ZNF844: variants seen among roughly 807,000 people sequenced by gnomAD.
ZNF844 encodes the protein zinc finger protein 844.
A neutral mutation model predicts 11.4 loss-of-function variants in ZNF844; 11 were observed. The observed-to-expected ratio is 0.97, with a 90% CI of 0.61 to 1.60. The LOEUF (loss-of-function observed/expected upper bound fraction) is 1.60, where lower values mean the gene tolerates loss of function less well. ZNF844 is among the 40% of genes most tolerant of loss of function. The pLI is 0.00. For missense variants in ZNF844, 790 were observed against 796.8 expected, an observed-to-expected ratio of 0.99 and a Z score of 0.10; for synonymous variants, 248 against 260.3, an observed-to-expected ratio of 0.95 and a Z score of 0.46.
chr19:12,065,979 G>A (rs73514821), intron 1 of ZNF844, among the ~76,000 whole-genome samples: 2,048 of 152,110 alleles, frequency 0.013, 52 homozygotes, highest in African/African-American at 0.047. Flanking sequence ...GCCCAGGTTG[G>A]AGTGCATGGC....
rs376541073 is a variant in ZNF844 at position 12,075,556 on chromosome 19, C to T, written c.436C>T (p.Arg146Cys). 53 of 1,613,922 alleles carry T rather than the reference C, an allele frequency of 3.3e-5. No individual in the cohort carries two copies. Among genetic ancestry groups the T allele is most frequent in the African/African-American group, 1.1e-4 (8 of 74,914 alleles). ...ACAGGAGCCATATAAGTGTCAACAA[C>T]GTAAGAAAGCCTTCAGATGTCACCC... ...YGQEPYKCQQ[R>C]KKAFRCHPSF... Residue 146 changes from arginine to cysteine, a missense_variant, in exon 4 of 4, where the codon CGT (arginine) becomes TGT (cysteine). By Grantham distance (180) the Arg-to-Cys change is radical. Transcript: ENST00000439326.
At chr19:12,073,233 C>T (rs538997171) in intron 1 of ZNF844, among the ~76,000 whole-genome samples, 3 of 152,030 alleles carry the variant, frequency 2.0e-5, no homozygotes, top group African/African-American at 7.2e-5. Context: ...GATCTCAGCT[C>T]ACCGCAACCT....
In ZNF844 at chr19:12,080,184, TA is replaced by T. The variant is rs1183100450; in HGVS notation, c.*3069del. The T allele has an allele frequency of 4.6e-5, 9 of 196,690 alleles. No homozygotes were observed. Among genetic ancestry groups the T allele is most frequent in the African/African-American group, 7.2e-5 (3 of 41,538 alleles). The allele number at this position is 196,690 out of a possible 1,614,324, so 12.2% of individuals were successfully genotyped here. ...TGACACGGTGAAACCCCGTCTCTAC[TA>T]AAAAATACAAAAAAACTAGCTGGGC... On this transcript the variant is annotated 3_prime_UTR_variant, in exon 4 of 4. Transcript: ENST00000439326.
intron 1 of ZNF844, among the ~76,000 whole-genome samples, chr19:12,067,379 G>T (rs1975700965): frequency 1.4e-5 from 2 of 146,268 alleles, no homozygotes; most frequent in African/African-American, 2.5e-5. Context: ...TGGGAGGCCG[G>T]GTCGGGCAAT....
intron 1 of ZNF844, among the ~76,000 whole-genome samples, chr19:12,066,765 C>G (rs185823266): frequency 6.6e-6 from 1 of 151,544 alleles, no homozygotes; most frequent in East Asian, 2.0e-4. Flanking sequence ...CCAGGATGGT[C>G]TGGATTTCCT....
At chr19:12,073,992 G>A (rs776836062) in intron 1 of ZNF844, 39 bp from the exon 2 acceptor site, 1 of 1,596,532 alleles carries the variant, frequency 6.3e-7, no homozygotes, top group East Asian at 2.2e-5. Context: ...AGTGCTGTCA[G>A]TCTCACCCAT....
At chr19:12,070,163 C>T (rs1178810928) in intron 1 of ZNF844, 1 of 147,486 alleles carries the variant, frequency 6.8e-6, no homozygotes, top group Non-Finnish European at 1.5e-5. Context: ...GAAACTGAAG[C>T]ATGTGTGGTC....
chr19:12,078,349 A>C lies in ZNF844; in HGVS notation c.*1228A>C, dbSNP rs1176145305. On this transcript the variant is annotated 3_prime_UTR_variant, in exon 4 of 4. Coordinates refer to ENST00000439326, the MANE Select transcript of ZNF844 (RefSeq NM_001136501.3). The stretch of plus-strand genomic sequence containing the variant: ...ACCCTATTGGCCACACTGGTCTTGA[A>C]CTCCTGACCTGAAGTGATCCACCTG... 1 of 151,038 alleles carries C rather than the reference A, an allele frequency of 6.6e-6. No individual in the cohort carries two copies. The highest frequency in any genetic ancestry group is 1.9e-4 in the East Asian group (1 of 5,150). 9.4% of individuals were successfully genotyped at this position (151,038 alleles called of 1,614,324 possible).
In ZNF844 at chr19:12,076,984, C is replaced by G; in HGVS notation, c.1864C>G (p.Arg622Gly). ...NPMNVRNAEK[R>G]SIIFLLCVYT... is the part of the protein sequence containing the mutation. Reference sequence around the variant, plus strand: ...TATGAATGTAAGGAATGCGGAAAAGCGTTCAATTATTTTTCTTCTTTGCGT... The same window carrying G: ...TATGAATGTAAGGAATGCGGAAAAGGGTTCAATTATTTTTCTTCTTTGCGT... Residue 622 changes from arginine to glycine, a missense_variant, in exon 4 of 4, where the codon CGT becomes GGT. Physicochemically the swap from Arg to Gly is moderately radical, Grantham distance 125. Around this residue, in one of 3 missense-constraint regions of ZNF844, gnomAD observed 657 missense variants for 636.2 expected, o/e 1.03. Coordinates refer to ENST00000439326, the MANE Select transcript of ZNF844 (RefSeq NM_001136501.3). 1 of 1,600,934 alleles carries G rather than the reference C, an allele frequency of 6.2e-7. No individual in the cohort carries two copies. Among genetic ancestry groups the G allele is most frequent in the Non-Finnish European group, 8.5e-7 (1 of 1,173,312 alleles).
chr19:12,068,542 G>T (rs1170084993), intron 1 of ZNF844, among the ~76,000 whole-genome samples: 3 of 152,038 alleles, frequency 2.0e-5, no homozygotes, highest in Non-Finnish European at 4.4e-5. Flanking sequence ...TGAGGCAGGA[G>T]AATTGCTTGA....
At position 12,076,085 on chromosome 19, in the gene ZNF844, G is replaced by A; in HGVS notation, c.965G>A (p.Ser322Asn). 6.4e-7 allele frequency: 1 copy of A among 1,564,310 alleles called. No individual in the cohort carries two copies. The highest frequency in any genetic ancestry group is 1.2e-5 in the South Asian group (1 of 86,054). Residue 322 changes from serine (S) to asparagine (N), a missense_variant, in exon 4 of 4, where the codon AGT becomes AAT. By Grantham distance (46) the Ser-to-Asn change is conservative (BLOSUM62 1). This residue lies in a region of ZNF844 where 657 missense variants were observed against 636.2 expected (regional missense o/e 1.03). Coordinates refer to ENST00000439326, the MANE Select transcript of ZNF844 (RefSeq NM_001136501.3). The part of the protein sequence containing the change: ...TKCGKAFKCP[S>N]YLCRHEVTHS... ...TGTGGGAAAGCATTCAAGTGTCCCA[G>A]TTATCTTTGTAGACATGAAGTGACC...
At position 12,064,768 on chromosome 19, in the gene ZNF844, C is replaced by A; in HGVS notation, c.-106C>A. The stretch of plus-strand genomic sequence containing the variant: ...CTCCCGCCGGGTGAGGTTGGCACCC[C>A]GTTTTTCCTGCTCTGAGAGGGACCG... On this transcript the variant is annotated 5_prime_UTR_variant, in exon 1 of 4. Coordinates refer to ENST00000439326, the MANE Select transcript of ZNF844 (RefSeq NM_001136501.3). 4 of 1,294,542 alleles carry A rather than the reference C, an allele frequency of 3.1e-6. No individual in the cohort carries two copies. Among genetic ancestry groups the A allele is most frequent in the Non-Finnish European group, 4.3e-6 (4 of 938,842 alleles). 80.2% of individuals were successfully genotyped at this position (1,294,542 alleles called of 1,614,324 possible). A position where few individuals can be genotyped will look rare whatever the true frequency, so the allele number is the denominator to read the frequency against.
In ZNF844 at chr19:12,076,619, A is replaced by C. The variant is rs776948113; in HGVS notation, c.1499A>C (p.Glu500Ala). 10 of 1,613,902 alleles carry C rather than the reference A, an allele frequency of 6.2e-6. No individual in the cohort carries two copies. Among genetic ancestry groups the C allele is most frequent in the Non-Finnish European group, 8.5e-7 (1 of 1,179,992 alleles). Residue 500 changes from glutamate to alanine, a missense_variant, in exon 4 of 4, where the codon GAG (glutamate) becomes GCG (alanine). Glu to Ala is a moderately radical substitution (Grantham distance 107, BLOSUM62 -1). Transcript: ENST00000439326. ...GATATCATGAAAGGACTCACACTGG[A>C]GAGAAACCCTATGAGTGTAAGCAAT... ...PFDIMKGLTL[E>A]RNPMSVSNVG...
At position 12,080,910 on chromosome 19, in the gene ZNF844, C is replaced by G. The variant is rs955667295; in HGVS notation, c.*3789C>G. 6.6e-6 allele frequency: 1 copy of G among 152,106 alleles called. No individual in the cohort carries two copies. The highest frequency in any genetic ancestry group is 2.1e-4 in the South Asian group (1 of 4,828). 9.4% of individuals were successfully genotyped at this position (152,106 alleles called of 1,614,324 possible). ...TCAGGATTACAGGTGCACACCACCACGCATGGCTAAATTTTTGTATTTTTA... is the reference window on the plus strand; with the variant it reads ...TCAGGATTACAGGTGCACACCACCAGGCATGGCTAAATTTTTGTATTTTTA... On this transcript the variant is annotated 3_prime_UTR_variant, in exon 4 of 4. Coordinates refer to ENST00000439326, the MANE Select transcript of ZNF844 (RefSeq NM_001136501.3).
intron 1 of ZNF844, among the ~76,000 whole-genome samples, chr19:12,070,428 A>G (rs1026496678): frequency 1.3e-5 from 2 of 152,200 alleles, no homozygotes; most frequent in African/African-American, 4.8e-5. Context: ...GCAGGAGGTG[A>G]ACTCTACCCT....
Position 12,077,133 on chromosome 19 carries a change from T to G in ZNF844, c.*12T>G, listed in dbSNP as rs780447778. 8.7e-6 allele frequency: 14 copies of G among 1,600,658 alleles called. No homozygotes were observed. Among genetic ancestry groups the G allele is most frequent in the Non-Finnish European group, 1.2e-5 (14 of 1,173,638 alleles). On this transcript the variant is annotated 3_prime_UTR_variant, in exon 4 of 4. Coordinates refer to ENST00000439326, the MANE Select transcript of ZNF844 (RefSeq NM_001136501.3). The stretch of plus-strand genomic sequence containing the variant: ...TCACACTGGAGTGAAACCGTATGAA[T>G]GCAAGGAATGTGGCAAAGCCTTCAC...
At position 12,078,756 on chromosome 19, in the gene ZNF844, C is replaced by T. The variant is rs1294545392; in HGVS notation, c.*1635C>T. On this transcript the variant is annotated 3_prime_UTR_variant, in exon 4 of 4. Coordinates refer to ENST00000439326, the MANE Select transcript of ZNF844 (RefSeq NM_001136501.3). ...CAAAAGGACTTACACTAGAGGAAAA[C>T]CCTATGAATGTAAGCTGCGTGGGAA... is the stretch of plus-strand genomic sequence containing the variant. 6.6e-6 allele frequency: 1 copy of T among 152,388 alleles called. No homozygotes were observed. The highest frequency in any genetic ancestry group is 2.4e-5 in the African/African-American group (1 of 41,440). The allele number at this position is 152,388 out of a possible 1,614,324, so 9.4% of individuals were successfully genotyped here.
chr19:12,065,653 T>TA (rs1975679982), intron 1 of ZNF844, among the ~76,000 whole-genome samples: 1 of 149,498 alleles, frequency 6.7e-6, no homozygotes, highest in African/African-American at 2.5e-5. Flanking sequence ...TTTTTTTTTT[T>TA]AAGACAGAGT....
chr19:12,072,458 G>A (rs970385546), intron 1 of ZNF844, among the ~76,000 whole-genome samples: 5 of 151,596 alleles, frequency 3.3e-5, no homozygotes, highest in Admixed American at 2.6e-4. Context: ...TAGTTTTTCA[G>A]GCACCACCAT....
Sources: allele counts gnomAD v4.1 joint callset (sites outside exome capture counted in the v4.1 genomes callset), GRCh38; gene constraint gnomAD v4.1.1; regional missense constraint gnomAD v4.1.1; transcripts MANE v1.5; gene names NCBI Gene and HGNC (gene_info 2026-07-23, HGNC 2026-07-21).